ATG10: variants seen among roughly 807,000 people sequenced by gnomAD.
ATG10 encodes autophagy related 10, also known as ubiquitin-like-conjugating enzyme ATG10.
A neutral mutation model predicts 32.1 loss-of-function variants in ATG10; 30 were observed. That is an observed-to-expected ratio of 0.94 (90% CI 0.70 to 1.27). The LOEUF (loss-of-function observed/expected upper bound fraction) is 1.27. Ranked by LOEUF, ATG10 falls within the 50% of genes most tolerant of loss-of-function variation. ATG10 has a pLI of 0.00. For synonymous variants in ATG10, 87 were observed against 91.5 expected (o/e 0.95, Z 0.28); for missense variants, 233 against 262.3 (o/e 0.89, Z 0.77).
intron 3 of ATG10, among the ~76,000 whole-genome samples, chr5:82,150,194 A>G (rs1767534505): frequency 6.6e-6 from 1 of 151,932 alleles, no homozygotes; most frequent in African/African-American, 2.4e-5. Flanking sequence ...TCTTAATGAC[A>G]ACTTCTCAAT....
At chr5:82,242,857 T>G (rs1055464772) in intron 5 of ATG10, 1 of 449,528 alleles carries the variant, frequency 2.2e-6, no homozygotes, top group Non-Finnish European at 4.4e-6. Flanking sequence ...TATCCCAGAA[T>G]GAATGCTGAC....
intron 2 of ATG10, among the ~76,000 whole-genome samples, chr5:82,056,728 A>C (rs956582187): frequency 6.6e-6 from 1 of 152,260 alleles, no homozygotes; most frequent in East Asian, 1.9e-4. Context: ...ACAGTAGCCA[A>C]TGCTCCTCTA....
intron 2 of ATG10, among the ~76,000 whole-genome samples, chr5:82,053,345 A>G (rs1006284265): frequency 2.0e-5 from 3 of 152,158 alleles, no homozygotes; most frequent in Non-Finnish European, 4.4e-5. Context: ...ATTTGGTGGA[A>G]CTATTTATAT....
chr5:82,026,308 C>T (rs553237584), intron 2 of ATG10, among the ~76,000 whole-genome samples: 27 of 152,268 alleles, frequency 1.8e-4, no homozygotes, highest in African/African-American at 6.3e-4. Context: ...CAGCGTGTAT[C>T]AGAATTTCCT....
intron 2 of ATG10, among the ~76,000 whole-genome samples, chr5:82,015,925 C>T (rs1762272670): frequency 6.6e-6 from 1 of 152,168 alleles, no homozygotes; most frequent in South Asian, 2.1e-4. Context: ...TTCAGTTTTT[C>T]TGTGCTGTTT....
intron 2 of ATG10, among the ~76,000 whole-genome samples, chr5:82,034,955 G>A (rs976701526): frequency 3.9e-5 from 6 of 152,000 alleles, no homozygotes; most frequent in Non-Finnish European, 7.4e-5. Context: ...GTCTCTCTCT[G>A]TCACTTAGGC....
intron 2 of ATG10, among the ~76,000 whole-genome samples, chr5:82,049,589 A>T (rs993905739): frequency 6.6e-6 from 1 of 152,136 alleles, no homozygotes; most frequent in African/African-American, 2.4e-5. Context: ...AACTTCTTAT[A>T]CAAGTGAGCA....
chr5:82,105,404 T>G (rs2149808297), intron 3 of ATG10, among the ~76,000 whole-genome samples: 1 of 152,262 alleles, frequency 6.6e-6, no homozygotes, highest in Admixed American at 6.5e-5. Context: ...CATTTGATAA[T>G]TTAAAGTGGA....
chr5:82,100,195 G>T (rs1007788051), intron 3 of ATG10, among the ~76,000 whole-genome samples: 5 of 151,408 alleles, frequency 3.3e-5, no homozygotes, highest in African/African-American at 1.2e-4. Context: ...TTTTAGTAGG[G>T]AGGGTTTCAC....
chr5:82,000,115 G>C (rs1761806379), intron 2 of ATG10, among the ~76,000 whole-genome samples: 1 of 152,050 alleles, frequency 6.6e-6, no homozygotes, highest in Non-Finnish European at 1.5e-5. Context: ...AAGCTAATCT[G>C]CCATGATTAG....
At chr5:82,196,585 T>C (rs1335212678) in intron 5 of ATG10, among the ~76,000 whole-genome samples, 1 of 152,192 alleles carries the variant, frequency 6.6e-6, no homozygotes, top group Non-Finnish European at 1.5e-5. Context: ...GGGTGCAAAT[T>C]CATTCTTTTG....
At chr5:82,201,897 A>G (rs1056861980) in intron 5 of ATG10, among the ~76,000 whole-genome samples, 1 of 152,278 alleles carries the variant, frequency 6.6e-6, no homozygotes, top group South Asian at 2.1e-4. Flanking sequence ...GGATGCTATT[A>G]TGTTTAATAT....
rs1037587919 is a variant in ATG10 at position 82,254,234 on chromosome 5, G to A, written c.*171G>A. 6.6e-6 allele frequency: 1 copy of A among 152,146 alleles called. No individual in the cohort carries two copies. Among genetic ancestry groups the A allele is most frequent in the African/African-American group, 2.4e-5 (1 of 41,428 alleles). The allele number at this position is 152,146 out of a possible 1,614,324, so 9.4% of individuals were successfully genotyped here. A position where few individuals can be genotyped will look rare whatever the true frequency, so the allele number is the denominator to read the frequency against. On this transcript the variant is annotated 3_prime_UTR_variant, in exon 8 of 8. Transcript: ENST00000282185. ...TGTCTACAGCAACTGGTGTTTGATA[G>A]GCTGAATGTTTAGAAGAAACACTTC...
chr5:82,043,728 G>C (rs563280500), intron 2 of ATG10, among the ~76,000 whole-genome samples: 1 of 152,132 alleles, frequency 6.6e-6, no homozygotes, highest in Non-Finnish European at 1.5e-5. Context: ...TCTAGGGCAC[G>C]GGCAAAATGC....
chr5:82,202,459 A>G lies in ATG10; in HGVS notation c.453+23872A>G, dbSNP rs79818752. ...TTTGACTTGCCAGACATCCGCAATCATGTTAGCCAGTTCCTTGAAATAAAT... is the reference window on the plus strand; with the variant it reads ...TTTGACTTGCCAGACATCCGCAATCGTGTTAGCCAGTTCCTTGAAATAAAT... On this transcript the variant is annotated intron_variant, in intron 5 of 7. Transcript: ENST00000282185. 8.1e-4 allele frequency among the ~76,000 whole-genome samples: 124 copies of G among 152,284 alleles called. 1 individual carries two copies. The East Asian group carries it at 0.022, about 27-fold the overall frequency.
chr5:82,251,638 C>T (rs1280608086), intron 5 of ATG10, among the ~76,000 whole-genome samples: 1 of 152,118 alleles, frequency 6.6e-6, no homozygotes, highest in Non-Finnish European at 1.5e-5. Flanking sequence ...CCTTAGGTCA[C>T]CTGCTTTGTC....
At chr5:82,080,280 A>T (rs532285942) in intron 3 of ATG10, among the ~76,000 whole-genome samples, 42 of 152,232 alleles carry the variant, frequency 2.8e-4, no homozygotes, top group African/African-American at 9.4e-4. Flanking sequence ...TCAGATGAGT[A>T]GATTGCAAAA....
intron 2 of ATG10, among the ~76,000 whole-genome samples, chr5:82,049,058 A>G (rs1763315660): frequency 6.6e-6 from 1 of 151,486 alleles, no homozygotes; most frequent in Admixed American, 6.6e-5. Context: ...GTATATACCC[A>G]AAGGACTATA....
intron 3 of ATG10, among the ~76,000 whole-genome samples, chr5:82,061,798 A>G (rs1581648976): frequency 6.9e-6 from 1 of 144,252 alleles, no homozygotes; most frequent in Admixed American, 7.0e-5. Flanking sequence ...ATATACGTAT[A>G]CATACATATA....
Sources: allele counts gnomAD v4.1 joint callset (sites outside exome capture counted in the v4.1 genomes callset), GRCh38; gene constraint gnomAD v4.1.1; transcripts MANE v1.5; gene names NCBI Gene and HGNC (gene_info 2026-07-23, HGNC 2026-07-21).